The following PKD1 variants were observed in gnomAD, a reference collection of about 807,000 sequenced individuals.
PKD1 encodes the protein polycystin 1, transient receptor potential channel interacting.
Under a neutral mutation model 361.7 loss-of-function variants are expected in PKD1, and 81 were observed. The observed-to-expected ratio is 0.22, with a 90% CI of 0.19 to 0.27. The LOEUF is 0.27. Ranked by LOEUF, PKD1 falls within the 10% of genes least tolerant of loss-of-function variation. The pLI is 1.00. For missense variants in PKD1, 6,399 were observed against 6,118.3 expected (o/e 1.05, Z -1.53); for synonymous variants, 3,615 against 2,818.3 (o/e 1.28, Z -8.95).
rs754960170 is a variant in PKD1, at chr16:2,093,555, C to G, written c.11005G>C (p.Gly3669Arg). 4 of 1,602,606 alleles carry G rather than the reference C, an allele frequency of 2.5e-6. No individual in the cohort carries two copies. In the African/African-American group the frequency reaches 5.3e-5, roughly 21 times the overall value. Residue 3669 changes from glycine (G) to arginine (R), a missense_variant, in exon 37 of 46, where the codon GGC becomes CGC. Physicochemically the swap from Gly to Arg is moderately radical, Grantham distance 125. Transcript: ENST00000262304. ...EEARKVKRLH[G>R]MLRSLLVYML... is the part of the protein sequence containing the mutation. Reference sequence around the variant, plus strand: ...GCACCCAGGCTCACCCGCAGCATGCCATGTAGCCTCTTGACCTTGCGGGCT... The same window carrying G: ...GCACCCAGGCTCACCCGCAGCATGCGATGTAGCCTCTTGACCTTGCGGGCT...
chr16:2,105,722 A>T, intron 20 of PKD1, 143 bp downstream of exon 20: 1 of 1,281,820 alleles, frequency 7.8e-7, no homozygotes, highest in Non-Finnish European at 1.1e-6. Flanking sequence ...TGGGAGCGGA[A>T]GGTCGGGGTG....
chr16:2,124,288 C>T (rs2092765407), intron 1 of PKD1, among the ~76,000 whole-genome samples: 2 of 152,234 alleles, frequency 1.3e-5, no homozygotes, highest in African/African-American at 2.4e-5. Context: ...GCCCGCCACC[C>T]GGGCGTGTGA....
chr16:2,116,088 G>T lies in PKD1; in HGVS notation c.1753C>A (p.Arg585Ser). The change falls in exon 9 of 46, where the codon CGT becomes AGT. Residue 585 changes from arginine to serine, a missense_variant. By Grantham distance (110) the Arg-to-Ser change is moderately radical (BLOSUM62 -1). Coordinates refer to ENST00000262304, the MANE Select transcript of PKD1 (RefSeq NM_001009944.3). ...TCGGCCGTGGTGAGGAAGGCTTCACGGCTCAGACGCAGGCCCGGGAATACC... is the reference window on the plus strand; with the variant it reads ...TCGGCCGTGGTGAGGAAGGCTTCACTGCTCAGACGCAGGCCCGGGAATACC... Reference protein sequence around the residue: ...VMVFPGLRLSREAFLTTAEFG... With the variant: ...VMVFPGLRLSSEAFLTTAEFG... 1 of 1,539,296 alleles carries T rather than the reference G, an allele frequency of 6.5e-7. No individual in the cohort carries two copies. Among genetic ancestry groups the T allele is most frequent in the Non-Finnish European group, 8.8e-7 (1 of 1,132,194 alleles).
chr16:2,115,587 G>C lies in PKD1; in HGVS notation c.1888C>G (p.Pro630Ala), dbSNP rs913959494. Residue 630 changes from proline (P) to alanine (A), a missense_variant, in exon 10 of 46, where the codon CCG becomes GCG. Physicochemically the swap from Pro to Ala is conservative, Grantham distance 27. Transcript: ENST00000262304. ...GGGGCCAGCTGGGTCCTGTTGTCCG[G>C]GGACCTGCTCTCAGGCTCGCTGCCG... ...ENGSEPESRS[P>A]DNRTQLAPAC... is the part of the protein sequence containing the mutation. The C allele has an allele frequency of 3.1e-6, 5 of 1,595,240 alleles. No individual in the cohort carries two copies. The highest frequency in any genetic ancestry group is 1.1e-5 in the South Asian group (1 of 89,790).
chr16:2,124,331 CG>C (rs2092766255), intron 1 of PKD1, among the ~76,000 whole-genome samples: 2 of 152,218 alleles, frequency 1.3e-5, no homozygotes. Context: ...CCTGGAGCCT[CG>C]GCCCCTCAGG....
Position 2,110,518 on chromosome 16 carries a change from C to T in PKD1, c.4649G>A (p.Gly1550Glu). The T allele has an allele frequency of 6.2e-7, 1 of 1,611,918 alleles. No individual in the cohort carries two copies. Among genetic ancestry groups the T allele is most frequent in the Non-Finnish European group, 8.5e-7 (1 of 1,179,810 alleles). Residue 1550 changes from glycine (G) to glutamate (E), a missense_variant, in exon 15 of 46, where the codon GGG (glycine) becomes GAG (glutamate). Gly to Glu is a moderately conservative substitution (Grantham distance 98, BLOSUM62 -2). Coordinates refer to ENST00000262304, the MANE Select transcript of PKD1 (RefSeq NM_001009944.3). ...LNVTVKRRVR[G>E]LVVNASRTVV... is the part of the protein sequence containing the mutation. ...CGTGCGGCTTGCATTGACGACGAGC[C>T]CCCGCACGCGCCGCTTCACCGTCAC... is the stretch of plus-strand genomic sequence containing the variant.
chr16:2,123,667 A>G (rs1005506047), intron 1 of PKD1: 1 of 401,858 alleles, frequency 2.5e-6, no homozygotes, highest in Non-Finnish European at 5.0e-6. Context: ...TGGGGGACAC[A>G]GCAGGGCCCA....
chr16:2,125,291 C>A (rs2092782209), intron 1 of PKD1, among the ~76,000 whole-genome samples: 1 of 152,196 alleles, frequency 6.6e-6, no homozygotes, highest in Non-Finnish European at 1.5e-5. Flanking sequence ...GGGAGGCCGG[C>A]CACAACCCTG....
rs762103084 is a variant in PKD1 at position 2,111,561 on chromosome 16, G to A, written c.3606C>T (p.Ala1202=). ...CCTCAAAGACGCGCACATCCGCCTG[G>A]GCCGCCGCACCGCTCACCGTGTTGT... The part of the protein sequence containing the change: ...EVNNTVSGAA[A]QADVRVFEEL... The change falls in exon 15 of 46, where the codon GCC becomes GCT. Residue 1202 remains alanine (A), a synonymous_variant. Transcript: ENST00000262304. The A allele has an allele frequency of 3.8e-6, 6 of 1,582,884 alleles. No homozygotes were observed. The highest frequency in any genetic ancestry group is 5.1e-6 in the Non-Finnish European group (6 of 1,165,658).
chr16:2,111,761 C>T lies in PKD1; in HGVS notation c.3406G>A (p.Gly1136Ser), dbSNP rs757584953. The T allele has an allele frequency of 2.1e-5, 33 of 1,605,140 alleles. No individual in the cohort carries two copies. Among genetic ancestry groups the T allele is most frequent in the Non-Finnish European group, 2.3e-5 (27 of 1,177,350 alleles). ...LPSVAVGVSD[G>S]VLVAGRPVTF... is the part of the protein sequence containing the mutation. The stretch of plus-strand genomic sequence containing the variant: ...ACGGGCCGGCCGGCCACCAGGACGC[C>T]GTCACTCACACCCACAGCCACGGAG... The change falls in exon 15 of 46, where the codon GGC (glycine) becomes AGC (serine). Residue 1136 changes from glycine to serine, a missense_variant. Coordinates refer to ENST00000262304, the MANE Select transcript of PKD1 (RefSeq NM_001009944.3).
Position 2,111,617 on chromosome 16 carries a change from T to G in PKD1, c.3550A>C (p.Arg1184=). The G allele has an allele frequency of 1.3e-6, 2 of 1,574,408 alleles. No homozygotes were observed. The highest frequency in any genetic ancestry group is 1.7e-6 in the Non-Finnish European group (2 of 1,161,200). Residue 1184 remains arginine, a synonymous_variant, in exon 15 of 46, where the codon AGG becomes CGG. Transcript: ENST00000262304. ...TCCAGGCGCACGTGGTAGGTGCCCCTCGAGGCATAGGTGTGGTTGGCAGCC... is the reference window on the plus strand; with the variant it reads ...TCCAGGCGCACGTGGTAGGTGCCCCGCGAGGCATAGGTGTGGTTGGCAGCC... ...QPAANHTYAS[R]GTYHVRLEVN...
chr16:2,091,270 GCGGGACGCTGC>G, intron 42 of PKD1, 96 bp from the exon 43 acceptor site: 7 of 441,252 alleles, frequency 1.6e-5, no homozygotes, highest in African/African-American at 1.1e-4. Context: ...CTACGAGGGG[GCGGGACGCTGC>G]CGGGGCGGGG....
rs1344051744 is a variant in PKD1 at position 2,107,784 on chromosome 16, A to G, written c.7065+99T>C. 4 of 1,096,686 alleles carry G rather than the reference A, an allele frequency of 3.6e-6. No individual in the cohort carries two copies. In the African/African-American group the frequency reaches 4.6e-5, roughly 13 times the overall value. 67.9% of individuals were successfully genotyped at this position (1,096,686 alleles called of 1,614,324 possible). A position where few individuals can be genotyped will look rare whatever the true frequency, so the allele number is the denominator to read the frequency against. On this transcript the variant is annotated intron_variant, in intron 16 of 45. Coordinates refer to ENST00000262304, the MANE Select transcript of PKD1 (RefSeq NM_001009944.3). ...TTTGCATCAGAAACAGAGAGGGGAGAGCGTGCGGCCTCCACCAGCACTAAA... is the reference window on the plus strand; with the variant it reads ...TTTGCATCAGAAACAGAGAGGGGAGGGCGTGCGGCCTCCACCAGCACTAAA...
At chr16:2,105,054 G>C (rs973445435) in intron 21 of PKD1, among the ~76,000 whole-genome samples, 3 of 133,864 alleles carry the variant, frequency 2.2e-5, no homozygotes, top group African/African-American at 8.5e-5. Context: ...GGAGGGGAGA[G>C]TGGAGGGCAC....
intron 42 of PKD1, 33 bp downstream of exon 42, chr16:2,091,390 G>GGC: frequency 9.2e-7 from 1 of 1,086,946 alleles, no homozygotes; most frequent in Non-Finnish European, 1.1e-6. Flanking sequence ...GCTGCCGGTG[G>GGC]GAGGCGCGGG....
At chr16:2,115,329 A>C in intron 10 of PKD1, 49 bp downstream of exon 10, 1 of 1,436,960 alleles carries the variant, frequency 7.0e-7, no homozygotes, top group Non-Finnish European at 9.5e-7. Context: ...GCAGACAGGA[A>C]GGTGGCCTGA....
chr16:2,116,803 T>C (rs1215146684), intron 7 of PKD1, 30 bp downstream of exon 7: 1 of 1,360,138 alleles, frequency 7.4e-7, no homozygotes, highest in Non-Finnish European at 1.0e-6. Context: ...ACAGCCAGCG[T>C]CTCAGGCCCC....
At position 2,112,976 on chromosome 16, in the gene PKD1, G is replaced by A. The variant is rs1274376010; in HGVS notation, c.2986-13C>T. The A allele has an allele frequency of 6.3e-7, 1 of 1,596,136 alleles. No individual in the cohort carries two copies. Among genetic ancestry groups the A allele is most frequent in the Non-Finnish European group, 8.5e-7 (1 of 1,178,366 alleles). On this transcript the variant is annotated splice_polypyrimidine_tract_variant and intron_variant, in intron 12 of 45. Coordinates refer to ENST00000262304, the MANE Select transcript of PKD1 (RefSeq NM_001009944.3). Reference sequence around the variant, plus strand: ...TGGAGGCCGTCAGCTGCAGGGACAGGCGTCAGTGAGCCCAGGTGGCAGGTG... The same window carrying A: ...TGGAGGCCGTCAGCTGCAGGGACAGACGTCAGTGAGCCCAGGTGGCAGGTG...
chr16:2,115,643 T>G lies in PKD1; in HGVS notation c.1850-18A>C, dbSNP rs534987452. On this transcript the variant is annotated intron_variant, in intron 9 of 45. Transcript: ENST00000262304. ...CGGGGTCCCTGTGAGGAGGGGAGGG[T>G]GTTGGGGCCCTGATTTGCCCACAGG... The G allele has an allele frequency of 6.3e-7, 1 of 1,594,870 alleles. No individual in the cohort carries two copies. The highest frequency in any genetic ancestry group is 1.3e-5 in the African/African-American group (1 of 74,442).
Sources: gnomAD v4.1 joint callset for allele counts (sites outside exome capture counted in the v4.1 genomes callset) on GRCh38, gnomAD v4.1.1 for gene constraint, MANE v1.5 for transcripts, NCBI Gene and HGNC (gene_info 2026-07-23, HGNC 2026-07-21) for gene names.